The following PIK3C2B variants were observed in gnomAD, a reference collection of about 807,000 sequenced individuals.
The protein encoded by PIK3C2B is phosphatidylinositol-4-phosphate 3-kinase catalytic subunit type 2 beta.
PIK3C2B carries 83 observed loss-of-function variants against 184.3 expected under a neutral mutation model. That is an observed-to-expected ratio of 0.45 (90% CI 0.38 to 0.54). The LOEUF is 0.54. Ranked by LOEUF, PIK3C2B falls within the 20% of genes least tolerant of loss-of-function variation. PIK3C2B has a pLI of 0.00. For missense variants in PIK3C2B, 1,736 were observed against 2,113.5 expected (o/e 0.82, Z 3.50); for synonymous variants, 779 against 837.6 (o/e 0.93, Z 1.21).
At chr1:204,466,624 G>C (rs1655818164) in intron 2 of PIK3C2B, 1 of 367,942 alleles carries the variant, frequency 2.7e-6, no homozygotes, top group South Asian at 2.2e-5. Flanking sequence ...AAAGGAGAGA[G>C]AGAGGAAGAA....
intron 10 of PIK3C2B, chr1:204,456,313 T>C: frequency 3.0e-6 from 1 of 338,178 alleles, no homozygotes; most frequent in Middle Eastern, 7.8e-4. Context: ...CATTAAAATG[T>C]CCTTTCTTTT....
At chr1:204,461,909 A>G (rs1042378754) in intron 5 of PIK3C2B, among the ~76,000 whole-genome samples, 9 of 152,070 alleles carry the variant, frequency 5.9e-5, no homozygotes, top group Non-Finnish European at 1.0e-4. Context: ...AGGCAGGGGT[A>G]GAAAATCTCA....
chr1:204,449,964 G>T lies in PIK3C2B; in HGVS notation c.2120C>A (p.Ala707Asp). ...GGGGATGGGCAGAGCATAGAGAGTGGCACACAGCAGTGTCTCCCGAGGCAG... is the reference window on the plus strand; with the variant it reads ...GGGGATGGGCAGAGCATAGAGAGTGTCACACAGCAGTGTCTCCCGAGGCAG... ...NRLPRETLLCATLYALPIPPP... is the reference protein window; with the variant it reads ...NRLPRETLLCDTLYALPIPPP... The change falls in exon 13 of 33, where the codon GCC becomes GAC. Residue 707 changes from alanine (A) to aspartate (D), a missense_variant. Physicochemically the swap from Ala to Asp is moderately radical, Grantham distance 126. Around this residue, in one of 8 missense-constraint regions of PIK3C2B, gnomAD observed 609 missense variants for 699.2 expected, o/e 0.87. Transcript: ENST00000684373. The T allele has an allele frequency of 6.2e-7, 1 of 1,606,638 alleles. No homozygotes were observed. Among genetic ancestry groups the T allele is most frequent in the Non-Finnish European group, 8.5e-7 (1 of 1,176,636 alleles).
At chr1:204,430,120 T>C in intron 28 of PIK3C2B, 82 bp from the exon 29 acceptor site, 1 of 866,060 alleles carries the variant, frequency 1.2e-6, no homozygotes, top group Non-Finnish European at 1.9e-6. Flanking sequence ...TTTTCACATT[T>C]CATTTGCGTT....
rs767987737 is a variant in PIK3C2B at position 204,460,384 on chromosome 1, G to C, written c.1442C>G (p.Pro481Arg). 1 of 1,613,824 alleles carries C rather than the reference G, an allele frequency of 6.2e-7. No homozygotes were observed. The highest frequency in any genetic ancestry group is 8.5e-7 in the Non-Finnish European group (1 of 1,179,894). The change falls in exon 7 of 33, where the codon CCC becomes CGC. Residue 481 changes from proline to arginine, a missense_variant. Pro to Arg is a moderately radical substitution (Grantham distance 103). Around this residue, in one of 8 missense-constraint regions of PIK3C2B, gnomAD observed 609 missense variants for 699.2 expected, o/e 0.87. Transcript: ENST00000684373. ...ATGGACGAGGTAGTTCAAGGTGGAG[G>C]GGCTCTGGTCATCATTCACCTGTAT... ...LARTVNDDQS[P>R]STLNYLVHLQ...
chr1:204,449,957 G>T lies in PIK3C2B; in HGVS notation c.2127C>A (p.Leu709=), dbSNP rs771950267. Residue 709 remains leucine (L), a synonymous_variant, in exon 13 of 33, where the codon CTC becomes CTA. Transcript: ENST00000684373. ...CCGGTGGGGGGATGGGCAGAGCATA[G>T]AGAGTGGCACACAGCAGTGTCTCCC... ...LPRETLLCAT[L]YALPIPPPGS... 1.9e-5 allele frequency: 30 copies of T among 1,609,044 alleles called. No individual in the cohort carries two copies. The South Asian group carries it at 3.0e-4, about 16-fold the overall frequency.
chr1:204,429,860 T>G (rs1674944513), intron 29 of PIK3C2B, 61 bp downstream of exon 29: 1 of 1,116,284 alleles, frequency 9.0e-7, no homozygotes, highest in African/African-American at 1.5e-5. Context: ...TGCTTCCACC[T>G]CTGCCTCCCC....
Position 204,460,544 on chromosome 1 carries a change from ACGAAC to A in PIK3C2B, c.1422+1_1422+5del, listed in dbSNP as rs777914934. 6.2e-7 allele frequency: 1 copy of A among 1,611,192 alleles called. No homozygotes were observed. The highest frequency in any genetic ancestry group is 8.5e-7 in the Non-Finnish European group (1 of 1,177,590). On this transcript the variant is annotated splice_donor_variant and splice_donor_5th_base_variant and intron_variant, in intron 6 of 32. Coordinates refer to ENST00000684373, the MANE Select transcript of PIK3C2B (RefSeq NM_001377334.1). LOFTEE classifies it high-confidence loss of function. ...CTGGGCAACCCTCCACCACCCTCAC[ACGAAC>A]CGTCCGGGCCAGGTCACTGCGCACA...
intron 10 of PIK3C2B, 38 bp from the exon 11 acceptor site, chr1:204,456,089 C>A: frequency 6.5e-7 from 1 of 1,543,434 alleles, no homozygotes; most frequent in Middle Eastern, 1.7e-4. Context: ...AGTCATGAGG[C>A]CTCCACAAGC....
At chr1:204,445,161 A>G (rs998292635) in intron 16 of PIK3C2B, among the ~76,000 whole-genome samples, 7 of 151,542 alleles carry the variant, frequency 4.6e-5, no homozygotes, top group African/African-American at 1.7e-4. Flanking sequence ...GCCAATGTAC[A>G]GGTAAACTTT....
At chr1:204,440,099 C>A in intron 22 of PIK3C2B, 93 bp downstream of exon 22, 2 of 1,347,574 alleles carry the variant, frequency 1.5e-6, no homozygotes, top group South Asian at 2.7e-5. Flanking sequence ...TTTTCACTTT[C>A]CTGGAGGAGG....
chr1:204,451,025 C>T (rs1232487096), intron 12 of PIK3C2B, among the ~76,000 whole-genome samples: 1 of 152,210 alleles, frequency 6.6e-6, no homozygotes, highest in Non-Finnish European at 1.5e-5. Context: ...GAGGAATCTC[C>T]ACCTAAGTGA....
chr1:204,469,218 G>A lies in PIK3C2B; in HGVS notation c.585C>T (p.Val195=), dbSNP rs772428461. 18 of 1,606,120 alleles carry A rather than the reference G, an allele frequency of 1.1e-5. No individual in the cohort carries two copies. The highest frequency in any genetic ancestry group is 1.4e-5 in the Non-Finnish European group (16 of 1,175,136). ...QPSDINTFSL[V]EQLPGKLLEH... ...CTAGCAGTTTGCCCGGCAATTGTTC[G>A]ACCAAAGAGAAAGTGTTGATGTCAC... The change falls in exon 2 of 33, where the codon GTC becomes GTT. Residue 195 remains valine (V), a synonymous_variant. Transcript: ENST00000684373.
At chr1:204,486,699 C>T (rs1657624453) in intron 1 of PIK3C2B, among the ~76,000 whole-genome samples, 1 of 152,182 alleles carries the variant, frequency 6.6e-6, no homozygotes, top group Non-Finnish European at 1.5e-5. Flanking sequence ...CATTGCACTC[C>T]AGCCTGGACG....
At chr1:204,492,867 AG>A (rs1479282792) in intron 1 of PIK3C2B, among the ~76,000 whole-genome samples, 14 of 152,224 alleles carry the variant, frequency 9.2e-5, no homozygotes, top group Non-Finnish European at 2.1e-4. Flanking sequence ...GCTCACCCAA[AG>A]GCCAAAGGAG....
At chr1:204,430,094 T>C in intron 28 of PIK3C2B, 56 bp from the exon 29 acceptor site, 6 of 1,063,342 alleles carry the variant, frequency 5.6e-6, no homozygotes, top group Non-Finnish European at 8.6e-6. Context: ...GGAAAGAAAA[T>C]GGACACAATG....
Position 204,469,244 on chromosome 1 carries a change from T to C in PIK3C2B, c.559A>G (p.Ser187Gly). Residue 187 changes from serine (S) to glycine (G), a missense_variant, in exon 2 of 33, where the codon AGT becomes GGT. Physicochemically the swap from Ser to Gly is moderately conservative, Grantham distance 56. Transcript: ENST00000684373. Reference sequence around the variant, plus strand: ...ACCAAAGAGAAAGTGTTGATGTCACTGGGCTGGGAGATCTTGGAGGATGAG... The same window carrying C: ...ACCAAAGAGAAAGTGTTGATGTCACCGGGCTGGGAGATCTTGGAGGATGAG... ...SPSSSKISQPSDINTFSLVEQ... is the reference protein window; with the variant it reads ...SPSSSKISQPGDINTFSLVEQ... 13 of 1,585,544 alleles carry C rather than the reference T, an allele frequency of 8.2e-6. No homozygotes were observed. The highest frequency in any genetic ancestry group is 1.1e-5 in the Non-Finnish European group (13 of 1,163,528).
rs1674672903 is a variant in PIK3C2B, at chr1:204,425,028, C to A, written c.4729G>T (p.Gly1577Trp). The A allele has an allele frequency of 6.2e-7, 1 of 1,613,164 alleles. No individual in the cohort carries two copies. The highest frequency in any genetic ancestry group is 1.7e-5 in the Admixed American group (1 of 59,906). ...TGCTGCAGGTCACCCTTGGGGATCC[C>A]ATCATATACCAACTGCAAACATAGA... Reference protein sequence around the residue: ...PTYNEMLVYDGIPKGDLQQRE... With the variant: ...PTYNEMLVYDWIPKGDLQQRE... Residue 1577 changes from glycine to tryptophan, a missense_variant, in exon 33 of 33, where the codon GGG (glycine) becomes TGG (tryptophan). Gly to Trp is a radical substitution (Grantham distance 184). Around this residue, in one of 8 missense-constraint regions of PIK3C2B, gnomAD observed 95 missense variants for 164.2 expected, o/e 0.58. Transcript: ENST00000684373.
At chr1:204,430,946 G>A (rs907312631) in intron 28 of PIK3C2B, among the ~76,000 whole-genome samples, 1 of 152,174 alleles carries the variant, frequency 6.6e-6, no homozygotes. Flanking sequence ...GAACCACTGC[G>A]CCCGGCCTGA....
Sources: allele counts gnomAD v4.1 joint callset (sites outside exome capture counted in the v4.1 genomes callset), GRCh38; gene constraint gnomAD v4.1.1; regional missense constraint gnomAD v4.1.1; transcripts MANE v1.5; gene names NCBI Gene and HGNC (gene_info 2026-07-23, HGNC 2026-07-21).